The following PRUNE2 variants were observed in gnomAD, a reference collection of about 807,000 sequenced individuals.
The protein encoded by PRUNE2 is protein prune homolog 2.
A neutral mutation model predicts 252.0 loss-of-function variants in PRUNE2; 164 were observed. The ratio of observed to expected loss-of-function variants is 0.65; its 90% CI spans 0.57 to 0.74. The LOEUF is 0.74. Ranked by LOEUF, PRUNE2 falls within the 30% of genes least tolerant of loss-of-function variation. The pLI, the probability that PRUNE2 is intolerant of heterozygous loss-of-function variation, is 0.00. For synonymous variants in PRUNE2, 1,292 were observed against 1,350.2 expected, an observed-to-expected ratio of 0.96 and a Z score of 0.94; for missense variants, 3,495 against 3,711.0, an observed-to-expected ratio of 0.94 and a Z score of 1.51.
intron 1 of PRUNE2, among the ~76,000 whole-genome samples, chr9:76,903,562 AT>A (rs1433111276): frequency 6.6e-6 from 1 of 152,124 alleles, no homozygotes; most frequent in East Asian, 1.9e-4. Context: ...GATTGGCTGA[AT>A]TTTTAAAAAT....
rs570424991 is a variant in PRUNE2, at chr9:76,819,874, G to C, written c.756+3758C>G. Among the ~76,000 whole-genome samples the C allele has an allele frequency of 3.9e-5, 6 of 152,242 alleles. No individual in the cohort carries two copies. In the East Asian group the frequency reaches 1.2e-3, roughly 29 times the overall value. On this transcript the variant is annotated intron_variant, in intron 6 of 18. Transcript: ENST00000376718. ...CGTTTTAATATACTGCTTTACTAGG[G>C]AGTAAACTAGGCCCAAGAAGTATAA...
chr9:76,889,114 GT>G (rs2062296924), intron 1 of PRUNE2, among the ~76,000 whole-genome samples: 1 of 152,022 alleles, frequency 6.6e-6, no homozygotes, highest in Non-Finnish European at 1.5e-5. Context: ...GCCTCCCAAA[GT>G]GCTGGGATTT....
intron 10 of PRUNE2, 27 bp downstream of exon 10, chr9:76,655,396 A>G: frequency 6.5e-7 from 1 of 1,549,904 alleles, no homozygotes; most frequent in Non-Finnish European, 8.9e-7. Context: ...AATACCAACG[A>G]AGGAAATGAA....
In PRUNE2 at chr9:76,611,838, GTTCT is replaced by G. The variant is rs1258897427; in HGVS notation, c.*2728_*2731del. 6.6e-6 allele frequency: 1 copy of G among 152,570 alleles called. No homozygotes were observed. Among genetic ancestry groups the G allele is most frequent in the Non-Finnish European group, 1.5e-5 (1 of 68,016 alleles). 9.5% of individuals were successfully genotyped at this position (152,570 alleles called of 1,614,324 possible). A position where few individuals can be genotyped will look rare whatever the true frequency, so the allele number is the denominator to read the frequency against. On this transcript the variant is annotated 3_prime_UTR_variant, in exon 19 of 19. Coordinates refer to ENST00000376718, the MANE Select transcript of PRUNE2 (RefSeq NM_015225.3). ...GACACTATCTTCTGTGCAAATTTCTGTTCTTTCTCTTAATCAAGGAGCTTTGAGA... is the reference window on the plus strand; with the variant it reads ...GACACTATCTTCTGTGCAAATTTCTGTTCTCTTAATCAAGGAGCTTTGAGA...
At chr9:76,735,988 A>G (rs1030453892) in intron 6 of PRUNE2, among the ~76,000 whole-genome samples, 2 of 152,258 alleles carry the variant, frequency 1.3e-5, no homozygotes, top group African/African-American at 2.4e-5. Context: ...TGATAAGAAC[A>G]TACAAGGAAA....
intron 6 of PRUNE2, among the ~76,000 whole-genome samples, chr9:76,821,092 T>G (rs977022200): frequency 6.6e-6 from 1 of 152,160 alleles, no homozygotes; most frequent in Non-Finnish European, 1.5e-5. Context: ...AGATCTAATG[T>G]AAAGAGTGAA....
chr9:76,813,157 T>C (rs1345138238), intron 6 of PRUNE2, among the ~76,000 whole-genome samples: 1 of 152,184 alleles, frequency 6.6e-6, no homozygotes, highest in Non-Finnish European at 1.5e-5. Context: ...ATTTACGCTA[T>C]GGAAATTGGA....
chr9:76,867,594 A>G (rs1312173600), intron 1 of PRUNE2, among the ~76,000 whole-genome samples: 2 of 152,116 alleles, frequency 1.3e-5, no homozygotes, highest in Non-Finnish European at 2.9e-5. Context: ...GTTGAGACGG[A>G]GTCTCACTCT....
chr9:76,888,108 T>C (rs1418738759), intron 1 of PRUNE2, among the ~76,000 whole-genome samples: 2 of 151,922 alleles, frequency 1.3e-5, no homozygotes, highest in Non-Finnish European at 2.9e-5. Flanking sequence ...GCAACAGCCA[T>C]GAACAAAGGA....
At chr9:76,756,986 T>C (rs1026136261) in intron 6 of PRUNE2, among the ~76,000 whole-genome samples, 1 of 152,254 alleles carries the variant, frequency 6.6e-6, no homozygotes, top group Non-Finnish European at 1.5e-5. Context: ...GCATAAATTC[T>C]ACTGCAAAAC....
chr9:76,671,016 A>G (rs1442858473), intron 9 of PRUNE2, among the ~76,000 whole-genome samples: 2 of 152,254 alleles, frequency 1.3e-5, no homozygotes, highest in South Asian at 2.1e-4. Context: ...CCAAAGGAAC[A>G]CAGCTCCTCA....
chr9:76,820,931 A>T (rs760409740), intron 6 of PRUNE2, among the ~76,000 whole-genome samples: 1 of 152,214 alleles, frequency 6.6e-6, no homozygotes, highest in Non-Finnish European at 1.5e-5. Context: ...GTATTAACTA[A>T]ATATTTGCAT....
intron 9 of PRUNE2, among the ~76,000 whole-genome samples, chr9:76,690,791 GAC>G: frequency 6.6e-6 from 1 of 152,150 alleles, no homozygotes; most frequent in African/African-American, 2.4e-5. Context: ...AGGTGCTGCT[GAC>G]TTCCAATGAC....
chr9:76,816,339 T>C (rs2057694122), intron 6 of PRUNE2, among the ~76,000 whole-genome samples: 1 of 152,176 alleles, frequency 6.6e-6, no homozygotes, highest in South Asian at 2.1e-4. Flanking sequence ...TTGCTGCTGA[T>C]ATGATAAACC....
At chr9:76,799,992 G>A (rs1336360722) in intron 6 of PRUNE2, among the ~76,000 whole-genome samples, 2 of 152,104 alleles carry the variant, frequency 1.3e-5, no homozygotes, top group Non-Finnish European at 2.9e-5. Context: ...TATCTGGAAT[G>A]GGCAGCAGCA....
In PRUNE2 at chr9:76,706,055, A is replaced by T; in HGVS notation, c.6219T>A (p.Asp2073Glu). The T allele has an allele frequency of 6.2e-7, 1 of 1,614,012 alleles. No individual in the cohort carries two copies. Among genetic ancestry groups the T allele is most frequent in the Non-Finnish European group, 8.5e-7 (1 of 1,179,882 alleles). ...CTTTCAAACTGAAGGGCTTCTTAGCATCTATCCACAAGTCAGGCGCGGCAG... is the reference window on the plus strand; with the variant it reads ...CTTTCAAACTGAAGGGCTTCTTAGCTTCTATCCACAAGTCAGGCGCGGCAG... ...LASAAPDLWIDAKKPFSLKAD... is the reference protein window; with the variant it reads ...LASAAPDLWIEAKKPFSLKAD... The change falls in exon 8 of 19, where the codon GAT becomes GAA. Residue 2073 changes from aspartate (D) to glutamate (E), a missense_variant. By Grantham distance (45) the Asp-to-Glu change is conservative. Transcript: ENST00000376718.
At chr9:76,853,593 G>C (rs1160265685) in intron 2 of PRUNE2, among the ~76,000 whole-genome samples, 1 of 152,116 alleles carries the variant, frequency 6.6e-6, no homozygotes, top group Non-Finnish European at 1.5e-5. Context: ...CAAAATCAGG[G>C]ATACAAGGCA....
intron 6 of PRUNE2, among the ~76,000 whole-genome samples, chr9:76,812,211 T>C (rs999862545): frequency 1.3e-5 from 2 of 152,220 alleles, no homozygotes; most frequent in Non-Finnish European, 2.9e-5. Context: ...TTCCAAGGCA[T>C]GAGCCTAAGT....
At chr9:76,674,960 C>A in intron 9 of PRUNE2, among the ~76,000 whole-genome samples, 1 of 29,488 alleles carries the variant, frequency 3.4e-5, no homozygotes, top group Non-Finnish European at 1.8e-4. Flanking sequence ...CCATAAAAAC[C>A]CTAGAAGAAA....
Sources: gnomAD v4.1 joint callset for allele counts (sites outside exome capture counted in the v4.1 genomes callset) on GRCh38, gnomAD v4.1.1 for gene constraint, MANE v1.5 for transcripts, NCBI Gene and HGNC (gene_info 2026-07-23, HGNC 2026-07-21) for gene names.